Variants in ABCC2 observed in about 807,000 individuals in gnomAD.
The protein encoded by ABCC2 is ATP-binding cassette sub-family C member 2.
Under a neutral mutation model 173.4 loss-of-function variants are expected in ABCC2, and 157 were observed. The ratio of observed to expected loss-of-function variants is 0.91; its 90% CI spans 0.80 to 1.03. The LOEUF is 1.03. ABCC2 is among the 50% of genes least tolerant of loss of function. The pLI, the probability that ABCC2 is intolerant of heterozygous loss-of-function variation, is 0.00. For missense variants in ABCC2, 1,822 were observed against 1,852.3 expected (o/e 0.98, Z 0.30); for synonymous variants, 657 against 693.5 (o/e 0.95, Z 0.83).
Position 99,844,400 on chromosome 10 carries a change from C to G in ABCC2, c.3922C>G (p.Arg1308Gly). 4 of 1,614,196 alleles carry G rather than the reference C, an allele frequency of 2.5e-6. No individual in the cohort carries two copies. The highest frequency in any genetic ancestry group is 1.1e-5 in the South Asian group (1 of 91,086). The change falls in exon 28 of 32, where the codon CGG becomes GGG. Residue 1308 changes from arginine (R) to glycine (G), a missense_variant. Physicochemically the swap from Arg to Gly is moderately radical, Grantham distance 125. Coordinates refer to ENST00000647814, the MANE Select transcript of ABCC2 (RefSeq NM_000392.5). Reference protein sequence around the residue: ...GKIQFNNYQVRYRPELDLVLR... With the variant: ...GKIQFNNYQVGYRPELDLVLR... Reference sequence around the variant, plus strand: ...GATCCAGTTTAACAACTACCAAGTGCGGTACCGACCTGAGCTGGATCTGGT... The same window carrying G: ...GATCCAGTTTAACAACTACCAAGTGGGGTACCGACCTGAGCTGGATCTGGT...
chr10:99,795,759 G>GAAA (rs2037895441), intron 6 of ABCC2, among the ~76,000 whole-genome samples: 1 of 140,202 alleles, frequency 7.1e-6, no homozygotes, highest in African/African-American at 2.8e-5. Flanking sequence ...AAGAAAGAAA[G>GAAA]AAAGAAAGAA....
At chr10:99,822,339 C>T (rs929073545) in intron 19 of ABCC2, among the ~76,000 whole-genome samples, 7 of 151,562 alleles carry the variant, frequency 4.6e-5, no homozygotes, top group African/African-American at 9.7e-5. Context: ...CCCAAGTTGG[C>T]GGCTCTGCCT....
rs528276830 is a variant in ABCC2 at position 99,846,156 on chromosome 10, A to G, written c.4146+374A>G. 3.1e-4 allele frequency among the ~76,000 whole-genome samples: 47 copies of G among 152,342 alleles called. No individual in the cohort carries two copies. The South Asian group carries it at 9.5e-3, about 31-fold the overall frequency. On this transcript the variant is annotated intron_variant, in intron 29 of 31. Transcript: ENST00000647814. Reference sequence around the variant, plus strand: ...ACTCCCCATTTGCTATGGTTAAAAGATAGAGGAGGGAATTTGCTGCAGGTT... The same window carrying G: ...ACTCCCCATTTGCTATGGTTAAAAGGTAGAGGAGGGAATTTGCTGCAGGTT...
intron 30 of ABCC2, among the ~76,000 whole-genome samples, chr10:99,849,807 C>G (rs1430804545): frequency 6.6e-6 from 1 of 152,194 alleles, no homozygotes. Context: ...TTGGCCACCC[C>G]CTGTTTAATA....
intron 6 of ABCC2, among the ~76,000 whole-genome samples, chr10:99,796,663 C>T (rs906416978): frequency 5.3e-5 from 8 of 151,660 alleles, no homozygotes; most frequent in African/African-American, 7.3e-5. Flanking sequence ...CCAGCCTGGG[C>T]AACAGAGTAA....
chr10:99,827,740 CCT>C (rs1044342448), intron 19 of ABCC2, among the ~76,000 whole-genome samples: 2 of 150,986 alleles, frequency 1.3e-5, no homozygotes, highest in Non-Finnish European at 1.5e-5. Context: ...TTTAACTCCC[CCT>C]CTTTTTAAAA....
At chr10:99,833,930 G>A (rs956198744) in intron 23 of ABCC2, among the ~76,000 whole-genome samples, 3 of 152,152 alleles carry the variant, frequency 2.0e-5, no homozygotes, top group Admixed American at 2.0e-4. Flanking sequence ...AAGGCAACAT[G>A]GCAGTAAGAC....
At chr10:99,814,258 CACACGTATGTAT>C (rs368765389) in intron 16 of ABCC2, among the ~76,000 whole-genome samples, 12,614 of 49,714 alleles carry the variant, frequency 0.25, 2,603 homozygotes, top group Middle Eastern at 0.33. Context: ...CGTATGTATA[CACACGTATGTAT>C]ACACACGTAT....
intron 24 of ABCC2, 72 bp from the exon 25 acceptor site, chr10:99,836,018 TG>T: frequency 6.7e-7 from 1 of 1,482,180 alleles, no homozygotes; most frequent in Non-Finnish European, 9.4e-7. Flanking sequence ...TGCTGGGTTG[TG>T]GCCAGAAAGG....
intron 3 of ABCC2, 97 bp downstream of exon 3, chr10:99,792,456 A>T: frequency 6.4e-7 from 1 of 1,562,848 alleles, no homozygotes. Flanking sequence ...TTCCAAGGTC[A>T]TCTGTCTTTT....
rs139944431 is a variant in ABCC2, at chr10:99,801,058, A to C, written c.1209+495A>C. On this transcript the variant is annotated intron_variant, in intron 9 of 31. Transcript: ENST00000647814. ...TCCCCAGACCAAATTTCACCTAGCA[A>C]CTTCTTTTTCTAACCTTTAGTGCTA... is the stretch of plus-strand genomic sequence containing the variant. Among the ~76,000 whole-genome samples, 178 of 152,200 alleles carry C rather than the reference A, an allele frequency of 1.2e-3. 1 individual carries two copies. The highest frequency in any genetic ancestry group is 4.1e-3 in the African/African-American group (171 of 41,534).
chr10:99,815,345 T>C (rs1489381670), intron 16 of ABCC2, among the ~76,000 whole-genome samples: 2 of 152,156 alleles, frequency 1.3e-5, no homozygotes, highest in African/African-American at 2.4e-5. Flanking sequence ...CAGTCTATCA[T>C]TGATGATGCC....
At chr10:99,825,299 A>C (rs893663505) in intron 19 of ABCC2, among the ~76,000 whole-genome samples, 3 of 152,204 alleles carry the variant, frequency 2.0e-5, no homozygotes, top group African/African-American at 7.2e-5. Context: ...ACTTTGATAC[A>C]CTTCTGAGGC....
chr10:99,847,465 G>A (rs2039034753), intron 30 of ABCC2, among the ~76,000 whole-genome samples: 1 of 151,950 alleles, frequency 6.6e-6, no homozygotes, highest in Non-Finnish European at 1.5e-5. Context: ...AGCCTAGCAT[G>A]GTTGTGGGCA....
intron 2 of ABCC2, among the ~76,000 whole-genome samples, chr10:99,790,585 C>G (rs2037794952): frequency 6.6e-6 from 1 of 152,144 alleles, no homozygotes; most frequent in African/African-American, 2.4e-5. Context: ...TCTCCAAGGG[C>G]AGGTGCCTTA....
chr10:99,817,164 T>C, intron 16 of ABCC2, 144 bp from the exon 17 acceptor site: 1 of 749,200 alleles, frequency 1.3e-6, no homozygotes, highest in Non-Finnish European at 2.3e-6. Flanking sequence ...AGCACGTGAA[T>C]ACATATCAGA....
intron 16 of ABCC2, among the ~76,000 whole-genome samples, chr10:99,814,711 A>ACATACACACACGTATATG (rs2038362314): frequency 2.1e-5 from 3 of 144,244 alleles, no homozygotes; most frequent in South Asian, 2.2e-4. Context: ...ATGTGTATAC[A>ACATACACACACGTATATG]TGTATATACA....
intron 1 of ABCC2, among the ~76,000 whole-genome samples, chr10:99,783,209 A>G (rs973750304): frequency 2.0e-5 from 3 of 152,236 alleles, no homozygotes; most frequent in African/African-American, 7.2e-5. Flanking sequence ...CTTTGCTAGT[A>G]GAAGGAAGAG....
intron 16 of ABCC2, 48 bp from the exon 17 acceptor site, chr10:99,817,260 C>A: frequency 1.9e-6 from 3 of 1,591,716 alleles, no homozygotes; most frequent in African/African-American, 1.3e-5. Context: ...TTCAACCCTG[C>A]GTTTCTGGAG....
Sources: allele counts gnomAD v4.1 joint callset (sites outside exome capture counted in the v4.1 genomes callset), GRCh38; gene constraint gnomAD v4.1.1; transcripts MANE v1.5; gene names NCBI Gene and HGNC (gene_info 2026-07-23, HGNC 2026-07-21).